The following VWC2 variants were observed in gnomAD, a reference collection of about 807,000 sequenced individuals.
VWC2 encodes von Willebrand factor C domain containing 2, also known as brorin.
VWC2 carries 14 observed loss-of-function variants against 29.8 expected under a neutral mutation model. The ratio of observed to expected loss-of-function variants is 0.47; its 90% CI spans 0.31 to 0.74. The LOEUF (loss-of-function observed/expected upper bound fraction) is 0.74. Ranked by LOEUF, VWC2 falls within the 30% of genes least tolerant of loss-of-function variation. VWC2 has a pLI of 0.05. For missense variants in VWC2, 457 were observed against 459.8 expected, an observed-to-expected ratio of 0.99 and a Z score of 0.05; for synonymous variants, 213 against 199.0, an observed-to-expected ratio of 1.07 and a Z score of -0.59.
chr7:49,892,032 T>TTG lies in VWC2; in HGVS notation c.827-20001_827-20000insGT, dbSNP rs1491496240. Reference sequence around the variant, plus strand: ...CAGTTGGCAGAACAGACAAAGTAGATTTTTTTTTTTTTTTTTTTTTTTTTT... The same window carrying TTG: ...CAGTTGGCAGAACAGACAAAGTAGATTGTTTTTTTTTTTTTTTTTTTTTTTTT... On this transcript the variant is annotated intron_variant, in intron 3 of 3. Transcript: ENST00000340652. Among the ~76,000 whole-genome samples, 23 of 4,516 alleles carry TTG rather than the reference T, an allele frequency of 5.1e-3. 1 individual carries two copies. The highest frequency in any genetic ancestry group is 9.3e-3 in the African/African-American group (22 of 2,370). 3.0% of individuals were successfully genotyped at this position (4,516 alleles called of 152,430 possible).
Position 49,802,702 on chromosome 7 carries a change from G to C in VWC2, c.697-9G>C, listed in dbSNP as rs1254594045. ...AGGCTAAAGTGCTGATTGTGGGCTT[G>C]TGTTTCAGGTGTCTCCATGCGAGAG... is the stretch of plus-strand genomic sequence containing the variant. On this transcript the variant is annotated splice_polypyrimidine_tract_variant and intron_variant, in intron 2 of 3. Coordinates refer to ENST00000340652, the MANE Select transcript of VWC2 (RefSeq NM_198570.5). The C allele has an allele frequency of 6.2e-7, 1 of 1,614,198 alleles. No individual in the cohort carries two copies. The highest frequency in any genetic ancestry group is 8.5e-7 in the Non-Finnish European group (1 of 1,180,022).
chr7:49,856,689 A>G (rs1790429605), intron 3 of VWC2, among the ~76,000 whole-genome samples: 1 of 152,136 alleles, frequency 6.6e-6, no homozygotes, highest in Non-Finnish European at 1.5e-5. Context: ...CATCACCTCC[A>G]AAAGTTCTCT....
intron 3 of VWC2, among the ~76,000 whole-genome samples, chr7:49,863,690 G>A (rs1373056179): frequency 6.6e-6 from 1 of 152,006 alleles, no homozygotes; most frequent in Non-Finnish European, 1.5e-5. Context: ...CTCAGCCTCC[G>A]AAAGTGCTGG....
At chr7:49,894,882 C>T (rs550838104) in intron 3 of VWC2, among the ~76,000 whole-genome samples, 1 of 152,220 alleles carries the variant, frequency 6.6e-6, no homozygotes, top group Non-Finnish European at 1.5e-5. Context: ...GCAACTAGGG[C>T]AGCAGTAGGC....
intron 3 of VWC2, among the ~76,000 whole-genome samples, chr7:49,809,380 C>T (rs1219065434): frequency 6.6e-6 from 1 of 151,914 alleles, no homozygotes; most frequent in Non-Finnish European, 1.5e-5. Flanking sequence ...TAATTAAGAG[C>T]TTCCCACAAA....
intron 2 of VWC2, among the ~76,000 whole-genome samples, chr7:49,794,144 C>T (rs1788528329): frequency 6.6e-6 from 1 of 152,154 alleles, no homozygotes; most frequent in South Asian, 2.1e-4. Flanking sequence ...TTCTAACCTC[C>T]TGTATATCCC....
At chr7:49,782,690 G>GAAAA (rs149219445) in intron 2 of VWC2, among the ~76,000 whole-genome samples, 1 of 128,816 alleles carries the variant, frequency 7.8e-6, no homozygotes. Context: ...ACAACAAATT[G>GAAAA]AAAAAAAAAA....
At chr7:49,795,948 C>T (rs916771974) in intron 2 of VWC2, among the ~76,000 whole-genome samples, 1 of 151,950 alleles carries the variant, frequency 6.6e-6, no homozygotes, top group Admixed American at 6.6e-5. Flanking sequence ...TCCAGGGGGT[C>T]CAGAGACTTA....
intron 3 of VWC2, among the ~76,000 whole-genome samples, chr7:49,898,135 A>T (rs865987103): frequency 3.6e-4 from 54 of 151,514 alleles, no homozygotes; most frequent in South Asian, 4.2e-4. Flanking sequence ...GTGTGTATGT[A>T]TGTGTGTGTG....
intron 2 of VWC2, among the ~76,000 whole-genome samples, chr7:49,777,521 C>A (rs886113046): frequency 6.6e-6 from 1 of 152,198 alleles, no homozygotes. Flanking sequence ...GGTTTCTTTT[C>A]TCTTATCTGT....
At chr7:49,845,482 T>TA (rs1279538469) in intron 3 of VWC2, among the ~76,000 whole-genome samples, 10 of 152,078 alleles carry the variant, frequency 6.6e-5, no homozygotes, top group Non-Finnish European at 1.3e-4. Context: ...AGTTCAACTG[T>TA]AAAAAACACT....
intron 3 of VWC2, among the ~76,000 whole-genome samples, chr7:49,885,453 C>T (rs1401595254): frequency 1.3e-5 from 2 of 151,496 alleles, no homozygotes; most frequent in African/African-American, 4.8e-5. Context: ...CTTATTGATA[C>T]AGATGTAAGA....
intron 2 of VWC2, among the ~76,000 whole-genome samples, chr7:49,788,514 T>A (rs936597722): frequency 6.6e-6 from 1 of 150,952 alleles, no homozygotes; most frequent in African/African-American, 2.4e-5. Flanking sequence ...TGAGTGTGTG[T>A]GAGTGTGGGT....
intron 3 of VWC2, among the ~76,000 whole-genome samples, chr7:49,869,213 C>A (rs1434581900): frequency 6.6e-6 from 1 of 151,962 alleles, no homozygotes; most frequent in Non-Finnish European, 1.5e-5. Context: ...GGAGAAGAGG[C>A]AGACATTGAC....
Position 49,912,701 on chromosome 7 carries a change from A to T in VWC2, c.*516A>T, listed in dbSNP as rs1218313261. ...GTTTAAATTCTATTTAATTACAGAC[A>T]TATCTCTAATGTTGATGTCTACTTC... On this transcript the variant is annotated 3_prime_UTR_variant, in exon 4 of 4. Transcript: ENST00000340652. The T allele has an allele frequency of 8.5e-5, 13 of 152,668 alleles. No individual in the cohort carries two copies. The allele number at this position is 152,668 out of a possible 1,614,324, so 9.5% of individuals were successfully genotyped here.
chr7:49,859,555 C>G (rs1479193551), intron 3 of VWC2, among the ~76,000 whole-genome samples: 2 of 152,192 alleles, frequency 1.3e-5, no homozygotes, highest in Non-Finnish European at 2.9e-5. Context: ...TCAGTACATC[C>G]TCTGTCATGT....
At chr7:49,874,828 T>C (rs1180638027) in intron 3 of VWC2, among the ~76,000 whole-genome samples, 1 of 151,194 alleles carries the variant, frequency 6.6e-6, no homozygotes, top group Non-Finnish European at 1.5e-5. Context: ...CAGTAAAGAT[T>C]CCTGCCCCTC....
chr7:49,853,908 C>A lies in VWC2; in HGVS notation c.826+51068C>A, dbSNP rs907958558. 2.2e-5 allele frequency among the ~76,000 whole-genome samples: 3 copies of A among 139,418 alleles called. No individual in the cohort carries two copies. In the Admixed American group the frequency reaches 2.4e-4, roughly 11 times the overall value. 91.5% of individuals were successfully genotyped at this position (139,418 alleles called of 152,430 possible). ...GGCCCCGGTGTGTGATGTTCCCCTTCCTGTGTCCAAATGTTTTCATTGTTC... is the reference window on the plus strand; with the variant it reads ...GGCCCCGGTGTGTGATGTTCCCCTTACTGTGTCCAAATGTTTTCATTGTTC... On this transcript the variant is annotated intron_variant, in intron 3 of 3. Coordinates refer to ENST00000340652, the MANE Select transcript of VWC2 (RefSeq NM_198570.5).
Position 49,912,247 on chromosome 7 carries a change from G to C in VWC2, c.*62G>C. ...ACATTTTACTGATGTGAACATTCTA[G>C]ATGACTCTGGGAACTATCAGTCAAA... On this transcript the variant is annotated 3_prime_UTR_variant, in exon 4 of 4. Coordinates refer to ENST00000340652, the MANE Select transcript of VWC2 (RefSeq NM_198570.5). 6.4e-7 allele frequency: 1 copy of C among 1,562,172 alleles called. No individual in the cohort carries two copies. Among genetic ancestry groups the C allele is most frequent in the Non-Finnish European group, 8.7e-7 (1 of 1,145,206 alleles).
Sources: allele counts gnomAD v4.1 joint callset (sites outside exome capture counted in the v4.1 genomes callset), GRCh38; gene constraint gnomAD v4.1.1; transcripts MANE v1.5; gene names NCBI Gene and HGNC (gene_info 2026-07-23, HGNC 2026-07-21).